PCP4: variants seen among roughly 807,000 people sequenced by gnomAD.
PCP4 encodes the protein Purkinje cell protein 4.
A neutral mutation model predicts 10.0 loss-of-function variants in PCP4; 8 were observed. The ratio of observed to expected loss-of-function variants is 0.80; its 90% CI spans 0.47 to 1.45. PCP4 has a LOEUF of 1.45. PCP4 is among the 40% of genes most tolerant of loss of function. PCP4 has a pLI of 0.00. For synonymous variants in PCP4, 21 were observed against 23.0 expected (o/e 0.91, Z 0.24); for missense variants, 54 against 74.4 (o/e 0.73, Z 1.01).
chr21:39,909,720 A>G (rs2087530200), intron 2 of PCP4, among the ~76,000 whole-genome samples: 1 of 152,056 alleles, frequency 6.6e-6, no homozygotes, highest in African/African-American at 2.4e-5. Context: ...ACTTATGATT[A>G]TGTGAAGGGG....
At chr21:39,867,818 C>G (rs772554341) in intron 1 of PCP4, among the ~76,000 whole-genome samples, 1 of 152,110 alleles carries the variant, frequency 6.6e-6, no homozygotes, top group Admixed American at 6.5e-5. Context: ...TATTCTCTTA[C>G]GAAGATGCGT....
At chr21:39,925,289 A>G (rs1427546170) in intron 2 of PCP4, among the ~76,000 whole-genome samples, 1 of 152,166 alleles carries the variant, frequency 6.6e-6, no homozygotes, top group Non-Finnish European at 1.5e-5. Flanking sequence ...GAGTGAGGAC[A>G]AGGACTCGCC....
chr21:39,907,065 G>T (rs1426771099), intron 2 of PCP4, among the ~76,000 whole-genome samples: 1 of 152,160 alleles, frequency 6.6e-6, no homozygotes, highest in African/African-American at 2.4e-5. Context: ...TGATAAGATG[G>T]TTTAAATTTG....
At chr21:39,905,975 A>G (rs1039391055) in intron 2 of PCP4, among the ~76,000 whole-genome samples, 4 of 152,278 alleles carry the variant, frequency 2.6e-5, no homozygotes, top group South Asian at 4.1e-4. Flanking sequence ...GCGTGAACCC[A>G]GGAGGCAGAG....
intron 1 of PCP4, among the ~76,000 whole-genome samples, chr21:39,891,214 A>C (rs995728668): frequency 2.6e-5 from 4 of 152,300 alleles, no homozygotes; most frequent in East Asian, 1.9e-4. Context: ...CTATGTGCTG[A>C]GTCAGACACC....
chr21:39,911,215 A>G (rs980401203), intron 2 of PCP4, among the ~76,000 whole-genome samples: 3 of 152,202 alleles, frequency 2.0e-5, no homozygotes, highest in Admixed American at 6.5e-5. Context: ...CCGGCTGTGA[A>G]CACAGGATAA....
Position 39,906,100 on chromosome 21 carries a change from G to A in PCP4, c.61+7573G>A, listed in dbSNP as rs2087507512. ...CTTTGATGTTACCATGGCCTTGCAG[G>A]TGGGTTGGGAGAGGATCTCAGGCAA... On this transcript the variant is annotated intron_variant, in intron 2 of 2. Transcript: ENST00000328619. This position sits in a 1 kb window ranked among gnomAD's most constrained non-coding sequence, Gnocchi z 6.3. 6.6e-6 allele frequency among the ~76,000 whole-genome samples: 1 copy of A among 152,224 alleles called. No individual in the cohort carries two copies. Among genetic ancestry groups the A allele is most frequent in the African/African-American group, 2.4e-5 (1 of 41,462 alleles).
At chr21:39,884,788 C>T (rs180800520) in intron 1 of PCP4, among the ~76,000 whole-genome samples, 2 of 143,634 alleles carry the variant, frequency 1.4e-5, no homozygotes, top group African/African-American at 5.4e-5. Flanking sequence ...ACAGAGGAGA[C>T]TCCGTCTTAA....
At chr21:39,873,818 C>T (rs1378258227) in intron 1 of PCP4, among the ~76,000 whole-genome samples, 1 of 152,160 alleles carries the variant, frequency 6.6e-6, no homozygotes, top group Non-Finnish European at 1.5e-5. Context: ...CATGTTGGGG[C>T]CATTCTACAT....
At chr21:39,887,931 G>A (rs760964044) in intron 1 of PCP4, among the ~76,000 whole-genome samples, 4 of 152,162 alleles carry the variant, frequency 2.6e-5, no homozygotes, top group Non-Finnish European at 5.9e-5. Flanking sequence ...TTAATTGTGC[G>A]AGGAATATGC....
At chr21:39,869,828 C>G (rs773781822) in intron 1 of PCP4, among the ~76,000 whole-genome samples, 3 of 152,238 alleles carry the variant, frequency 2.0e-5, no homozygotes, top group Non-Finnish European at 4.4e-5. Flanking sequence ...GTTTTAATAA[C>G]TCTCAGGCAG....
intron 1 of PCP4, among the ~76,000 whole-genome samples, chr21:39,873,986 C>G (rs1056609300): frequency 2.0e-5 from 3 of 152,126 alleles, no homozygotes; most frequent in Admixed American, 6.5e-5. Context: ...TATGACATTG[C>G]CAGTAGAAAA....
At chr21:39,922,620 A>G (rs1297541719) in intron 2 of PCP4, among the ~76,000 whole-genome samples, 1 of 152,030 alleles carries the variant, frequency 6.6e-6, no homozygotes, top group Non-Finnish European at 1.5e-5. Context: ...TTCAAGGGCC[A>G]TTGGCAGAGC....
At chr21:39,875,487 G>A (rs1006567585) in intron 1 of PCP4, among the ~76,000 whole-genome samples, 2 of 152,150 alleles carry the variant, frequency 1.3e-5, no homozygotes, top group African/African-American at 4.8e-5. Context: ...GAGAGTTTTA[G>A]GTGGAAATAG....
At chr21:39,873,844 A>C (rs2146324625) in intron 1 of PCP4, among the ~76,000 whole-genome samples, 1 of 152,338 alleles carries the variant, frequency 6.6e-6, no homozygotes, top group South Asian at 2.1e-4. Flanking sequence ...ATTTAGCATA[A>C]GCCACACATT....
At chr21:39,898,837 G>A (rs1209312396) in intron 2 of PCP4, among the ~76,000 whole-genome samples, 4 of 152,172 alleles carry the variant, frequency 2.6e-5, no homozygotes, top group African/African-American at 9.7e-5. Flanking sequence ...CATCCAAGTT[G>A]TTGTGAGGAT....
chr21:39,885,963 C>T (rs995104849), intron 1 of PCP4, among the ~76,000 whole-genome samples: 4 of 152,364 alleles, frequency 2.6e-5, no homozygotes, highest in East Asian at 1.9e-4. Context: ...GGAGAATCTG[C>T]TCCAGGCCCC....
At chr21:39,877,912 G>C (rs74501985) in intron 1 of PCP4, among the ~76,000 whole-genome samples, 1,583 of 152,222 alleles carry the variant, frequency 0.01, 37 homozygotes, top group African/African-American at 0.037. Flanking sequence ...TCCAGAAAAT[G>C]GTGGCCCTTT....
chr21:39,868,768 C>T (rs147751445), intron 1 of PCP4, among the ~76,000 whole-genome samples: 428 of 152,260 alleles, frequency 2.8e-3, no homozygotes, highest in African/African-American at 9.6e-3. Context: ...TTTGAGGTCA[C>T]CAGCTAAAGA....
Sources: allele counts gnomAD v4.1 joint callset (sites outside exome capture counted in the v4.1 genomes callset), GRCh38; gene constraint gnomAD v4.1.1; non-coding constraint Gnocchi (gnomAD v3.1); transcripts MANE v1.5; gene names NCBI Gene and HGNC (gene_info 2026-07-23, HGNC 2026-07-21).